The following ZNF117 variants were observed in gnomAD, a reference collection of about 807,000 sequenced individuals.
ZNF117 encodes zinc finger protein 117, also known as Krueppel-related zinc finger protein.
In ZNF117, 37 loss-of-function variants were observed where a neutral mutation model predicts 41.2. That is an observed-to-expected ratio of 0.90 (90% CI 0.69 to 1.18). The LOEUF (loss-of-function observed/expected upper bound fraction) is 1.18, where lower values mean the gene tolerates loss of function less well. ZNF117 is among the 50% of genes most tolerant of loss of function. The pLI, the probability that ZNF117 is intolerant of heterozygous loss-of-function variation, is 0.00. For missense variants in ZNF117, 546 were observed against 557.5 expected, an observed-to-expected ratio of 0.98 and a Z score of 0.21; for synonymous variants, 186 against 186.6, an observed-to-expected ratio of 1.00 and a Z score of 0.02.
intron 1 of ZNF117, among the ~76,000 whole-genome samples, chr7:64,989,483 A>ATAAAATTT (rs1562649427): frequency 4.4e-5 from 4 of 90,692 alleles, no homozygotes; most frequent in Non-Finnish European, 1.0e-4. Flanking sequence ...ATATATATAT[A>ATAAAATTT]TATATATATA....
rs200615419 is a variant in ZNF117 at position 64,978,147 on chromosome 7, C to T, written c.1424G>A (p.Cys475Tyr). 2.1e-4 allele frequency: 333 copies of T among 1,611,172 alleles called. No homozygotes were observed. Among genetic ancestry groups the T allele is most frequent in the Non-Finnish European group, 2.7e-4 (318 of 1,178,846 alleles). Residue 475 changes from cysteine to tyrosine, a missense_variant, in exon 3 of 3, where the codon TGT becomes TAT. By Grantham distance (194) the Cys-to-Tyr change is radical. Transcript: ENST00000620222. ...GGTAGAAGCTTTGCCACATTCATCA[C>T]ATTTGTACTGTTTCTCTTCAGTATG... is the stretch of plus-strand genomic sequence containing the variant.
chr7:64,974,007 A>T (rs1039841424), downstream of ZNF117: 8 of 151,934 alleles, frequency 5.3e-5, 1 homozygote, highest in African/African-American at 1.2e-4. Flanking sequence ...TATATATATA[A>T]AAACATCCTC....
At chr7:64,988,983 T>TA (rs34196877) in intron 1 of ZNF117, among the ~76,000 whole-genome samples, 1 of 152,038 alleles carries the variant, frequency 6.6e-6, no homozygotes, top group Non-Finnish European at 1.5e-5. Context: ...TGCTCATGGA[T>TA]AAAAAAGATC....
At chr7:64,990,086 C>A in exon 1 of ZNF117, 1 of 152,120 alleles carries the variant, frequency 6.6e-6, no homozygotes, top group Non-Finnish European at 1.5e-5. Flanking sequence ...ACAACAACAA[C>A]AACAAAAAGA....
intron 1 of ZNF117, among the ~76,000 whole-genome samples, chr7:64,987,997 G>C (rs1786172023): frequency 3.3e-5 from 5 of 152,054 alleles, no homozygotes; most frequent in Admixed American, 3.3e-4. Context: ...CAGGACGAGA[G>C]AGATTCACAA....
chr7:64,983,372 G>A (rs7784866), upstream of ZNF117, among the ~76,000 whole-genome samples: 144,415 of 152,270 alleles, frequency 0.95, 68,964 homozygotes, highest in East Asian at 1. Flanking sequence ...ATAAAGAGCC[G>A]TGATGTAGAG....
At chr7:64,977,778 G>A in exon 3 of ZNF117, 5 of 939,090 alleles carry the variant, frequency 5.3e-6, no homozygotes, top group South Asian at 5.1e-5. Context: ...AGTAAGAGTT[G>A]AGAACTGGTT....
chr7:64,979,081 G>T (rs1025122797), exon 3 of ZNF117: 2 of 1,613,050 alleles, frequency 1.2e-6, no homozygotes, highest in Admixed American at 1.7e-5. Flanking sequence ...CATTTGTAAG[G>T]TTTTTCTCCA....
exon 3 of ZNF117, chr7:64,978,009 AT>A: frequency 7.6e-7 from 1 of 1,320,800 alleles, no homozygotes. Flanking sequence ...AGTATGAATC[AT>A]CTTATGTTTA....
At chr7:64,982,125 C>A, upstream of ZNF117, 1 of 848,368 alleles carries the variant, frequency 1.2e-6, no homozygotes, top group Non-Finnish European at 1.9e-6. Context: ...CCCTGAAAAA[C>A]ACAAAAACAC....
upstream of ZNF117, chr7:64,982,232 TATA>T: frequency 2.3e-6 from 1 of 443,632 alleles, no homozygotes; most frequent in Non-Finnish European, 4.1e-6. Context: ...GGTTCTGACT[TATA>T]GGAGTGAATG....
exon 3 of ZNF117, chr7:64,978,025 G>A (rs4718175): frequency 0.99 from 1,353,800 of 1,368,392 alleles, 670,822 homozygotes; most frequent in East Asian, 1. Flanking sequence ...TGTTTAGTAA[G>A]GGTTGAGAAA....
intron 1 of ZNF117, among the ~76,000 whole-genome samples, chr7:64,989,458 TATATATATATATATATATATATA>T (rs1786208596): frequency 2.8e-5 from 1 of 35,194 alleles, no homozygotes; most frequent in Admixed American, 2.1e-4. Flanking sequence ...TATATATATA[TATATATATATATATATATATATA>T]TATATATATA....
upstream of ZNF117, among the ~76,000 whole-genome samples, chr7:64,983,197 C>G (rs754378870): frequency 2.6e-5 from 4 of 152,128 alleles, no homozygotes; most frequent in Admixed American, 2.6e-4. Context: ...TAATGGAGAA[C>G]AGAGATGGTA....
chr7:64,981,744 A>C (rs1786037963), intron 1 of ZNF117, among the ~76,000 whole-genome samples: 1 of 152,124 alleles, frequency 6.6e-6, no homozygotes, highest in South Asian at 2.1e-4. Flanking sequence ...TATGCCAATA[A>C]ATTTCTAAAA....
exon 3 of ZNF117, chr7:64,978,430 T>C (rs1785943197): frequency 6.2e-7 from 1 of 1,613,284 alleles, no homozygotes; most frequent in Admixed American, 1.7e-5. Flanking sequence ...GTATGGATTA[T>C]CTTATGTGTA....
rs190452099 is a variant in ZNF117, at chr7:64,974,795, T to C, written c.*3324A>G. ...CCCATGAAAATGACCCTATAGTCAATAGCAATTTACTTGTACATTTTAAAG... is the reference window on the plus strand; with the variant it reads ...CCCATGAAAATGACCCTATAGTCAACAGCAATTTACTTGTACATTTTAAAG... On this transcript the variant is annotated 3_prime_UTR_variant, in exon 3 of 3. Transcript: ENST00000620222. The C allele has an allele frequency of 2.2e-4, 34 of 152,040 alleles. No homozygotes were observed. In the East Asian group the frequency reaches 5.4e-3, roughly 24 times the overall value. The allele number at this position is 152,040 out of a possible 1,614,324, so 9.4% of individuals were successfully genotyped here. A position where few individuals can be genotyped will look rare whatever the true frequency, so the allele number is the denominator to read the frequency against.
At chr7:64,980,983 C>A in intron 2 of ZNF117, 2 of 192,392 alleles carry the variant, frequency 1.0e-5, no homozygotes, top group Non-Finnish European at 2.1e-5. Context: ...ACAAAAAAAC[C>A]AATGGAACAG....
At chr7:64,985,591 T>C (rs192879558), upstream of ZNF117, among the ~76,000 whole-genome samples, 18 of 152,306 alleles carry the variant, frequency 1.2e-4, no homozygotes, top group African/African-American at 1.7e-4. Flanking sequence ...ACTGTTAATA[T>C]GATTTACATA....
Sources: gnomAD v4.1 joint callset for allele counts (sites outside exome capture counted in the v4.1 genomes callset) on GRCh38, gnomAD v4.1.1 for gene constraint, MANE v1.5 for transcripts, NCBI Gene and HGNC (gene_info 2026-07-23, HGNC 2026-07-21) for gene names.